OXNAD1: variants seen among roughly 807,000 people sequenced by gnomAD.
OXNAD1 encodes the protein oxidoreductase NAD-binding domain-containing protein 1.
In OXNAD1, 34 loss-of-function variants were observed where a neutral mutation model predicts 32.9. The ratio of observed to expected loss-of-function variants is 1.03; its 90% CI spans 0.79 to 1.38. The LOEUF (loss-of-function observed/expected upper bound fraction) is 1.38, where lower values mean the gene tolerates loss of function less well. Ranked by LOEUF, OXNAD1 falls within the 40% of genes most tolerant of loss-of-function variation. The pLI, the probability that OXNAD1 is intolerant of heterozygous loss-of-function variation, is 0.00. For synonymous variants in OXNAD1, 134 were observed against 135.2 expected (o/e 0.99, Z 0.06); for missense variants, 407 against 379.4 (o/e 1.07, Z -0.60).
intron 1 of OXNAD1, among the ~76,000 whole-genome samples, chr3:16,267,765 C>T (rs556974542): frequency 2.0e-5 from 3 of 152,326 alleles, no homozygotes; most frequent in East Asian, 1.9e-4. Context: ...TTCATGATGG[C>T]AAGGGCCTTG....
At chr3:16,269,826 A>G (rs2064801170) in intron 2 of OXNAD1, among the ~76,000 whole-genome samples, 1 of 152,258 alleles carries the variant, frequency 6.6e-6, no homozygotes, top group Non-Finnish European at 1.5e-5. Flanking sequence ...TCAGAAAAAA[A>G]AGTATTCACA....
chr3:16,281,925 G>T (rs1228060390), intron 4 of OXNAD1, among the ~76,000 whole-genome samples: 9 of 144,554 alleles, frequency 6.2e-5, no homozygotes, highest in African/African-American at 2.3e-4. Flanking sequence ...TTGAGACAGG[G>T]TCTCACTTGG....
At position 16,320,759 on chromosome 3, in the gene OXNAD1, G is replaced by A. The variant is rs78557953; in HGVS notation, c.*31-16353G>A. On this transcript the variant is annotated intron_variant, in intron 9 of 9. Transcript: ENST00000435829. The surrounding 1 kb of genome is among the most constrained non-coding windows in gnomAD (Gnocchi z 4.5). ...AGAACTGGAGGCCACAGAGGAGCTG[G>A]AGGCCACAGAGAATGGGAGGCTGGC... is the stretch of plus-strand genomic sequence containing the variant. Among the ~76,000 whole-genome samples the A allele has an allele frequency of 0.011, 1,601 of 152,266 alleles. 61 individuals are homozygous for A. Among genetic ancestry groups the A allele is most frequent in the East Asian group, 0.1 (537 of 5,184 alleles).
In OXNAD1 at chr3:16,346,465, C is replaced by T. The variant is rs962209160; in HGVS notation, c.*31-2711C>T. The T allele has an allele frequency of 2.6e-5, 4 of 152,072 alleles. No homozygotes were observed. Among genetic ancestry groups the T allele is most frequent in the African/African-American group, 2.4e-5 (1 of 41,404 alleles). 9.4% of individuals were successfully genotyped at this position (152,072 alleles called of 1,614,324 possible). A position where few individuals can be genotyped will look rare whatever the true frequency, so the allele number is the denominator to read the frequency against. On this transcript the variant is annotated intron_variant, in intron 9 of 9. Coordinates refer to the OXNAD1 transcript ENST00000606098. This position sits in a 1 kb window ranked among gnomAD's most constrained non-coding sequence, Gnocchi z 4.4. ...CCTTTTGTCATCTCATTATCCAAAC[C>T]GTCAACAAGTCCAGTCTTCTTGAAA...
chr3:16,303,687 A>C lies in OXNAD1; in HGVS notation c.*125A>C, dbSNP rs1053765194. 1.6e-5 allele frequency: 17 copies of C among 1,082,210 alleles called. No homozygotes were observed. Among genetic ancestry groups the C allele is most frequent in the Non-Finnish European group, 2.1e-5 (17 of 798,598 alleles). The allele number at this position is 1,082,210 out of a possible 1,614,324, so 67.0% of individuals were successfully genotyped here. On this transcript the variant is annotated 3_prime_UTR_variant, in exon 9 of 9. Coordinates refer to ENST00000285083, the MANE Select transcript of OXNAD1 (RefSeq NM_138381.5). The surrounding 1 kb of genome is among the most constrained non-coding windows in gnomAD (Gnocchi z 4.8). ...TCTTATTTTTTAAGGCTATAAACTT[A>C]GTGACCAGCTGGATAATAAAAGCCA...
intron 9 of OXNAD1, among the ~76,000 whole-genome samples, chr3:16,324,873 A>G (rs1402433551): frequency 6.6e-6 from 1 of 151,870 alleles, no homozygotes; most frequent in Non-Finnish European, 1.5e-5. Context: ...TGCTAAGTCT[A>G]TCTTTAGTTT....
rs2069806164 is a variant in OXNAD1 at position 16,327,319 on chromosome 3, A to C, written c.*31-9793A>C. ...CAAGTCGTTTATGTCCAGCCACAGC[A>C]ACACACACATGCACATCCACATGTG... is the stretch of plus-strand genomic sequence containing the variant. On this transcript the variant is annotated intron_variant, in intron 9 of 9. Transcript: ENST00000435829. The surrounding 1 kb of genome is among the most constrained non-coding windows in gnomAD (Gnocchi z 4.2). 6.6e-6 allele frequency among the ~76,000 whole-genome samples: 1 copy of C among 152,202 alleles called. No individual in the cohort carries two copies.
chr3:16,328,585 T>G, intron 9 of OXNAD1, among the ~76,000 whole-genome samples: 1 of 152,216 alleles, frequency 6.6e-6, no homozygotes, highest in East Asian at 1.9e-4. Context: ...CTGTATAAAA[T>G]GGGTACTGGT....
Position 16,294,912 on chromosome 3 carries a change from G to C in OXNAD1, c.347G>C (p.Ser116Thr), listed in dbSNP as rs767714469. 2.5e-6 allele frequency: 4 copies of C among 1,613,324 alleles called. No homozygotes were observed. In the South Asian group the frequency reaches 3.3e-5, roughly 13 times the overall value. Residue 116 changes from serine (S) to threonine (T), a missense_variant, in exon 6 of 9, where the codon AGT (serine) becomes ACT (threonine). Ser to Thr is a moderately conservative substitution (Grantham distance 58, BLOSUM62 1). Transcript: ENST00000285083. ...GTTGGTGGGTTTTCAATATGCTCCA[G>C]TCCCAGACTGCTAGAACAAGAGAGA... ...SVVGGFSICS[S>T]PRLLEQERVI...
intron 9 of OXNAD1, chr3:16,326,984 G>A (rs1209534063): frequency 5.2e-6 from 4 of 769,658 alleles, no homozygotes; most frequent in African/African-American, 1.8e-5. Flanking sequence ...AAGAAGTGGC[G>A]GTGCCCGGCC....
intron 9 of OXNAD1, among the ~76,000 whole-genome samples, chr3:16,324,613 A>ATC (rs1553718056): frequency 1.1e-5 from 1 of 90,828 alleles, no homozygotes; most frequent in South Asian, 3.7e-4. Context: ...AATGTCCCTG[A>ATC]CCCCCCCCCT....
At chr3:16,324,338 T>C (rs1268024264) in intron 9 of OXNAD1, among the ~76,000 whole-genome samples, 7 of 152,320 alleles carry the variant, frequency 4.6e-5, no homozygotes, top group Non-Finnish European at 7.3e-5. Flanking sequence ...CAAGGCATTA[T>C]TGTTTATAAT....
At chr3:16,311,011 A>AAAAAG (rs1472119686), downstream of OXNAD1, among the ~76,000 whole-genome samples, 86 of 136,178 alleles carry the variant, frequency 6.3e-4, 3 homozygotes, top group African/African-American at 2.0e-3. Flanking sequence ...AAAAAAAAAA[A>AAAAAG]AAATCATCTG....
At chr3:16,309,224 G>GT (rs35112609), downstream of OXNAD1, among the ~76,000 whole-genome samples, 2 of 152,174 alleles carry the variant, frequency 1.3e-5, no homozygotes, top group African/African-American at 4.8e-5. Flanking sequence ...ATTGTTTGGA[G>GT]TTTTTGGCTA....
At position 16,278,217 on chromosome 3, in the gene OXNAD1, A is replaced by G. The variant is rs962827740; in HGVS notation, c.183+6495A>G. ...GATAAGCTCCTATCCTCAGATTTTA[A>G]TGGGACTCTGATCAGAAGACTTTAT... On this transcript the variant is annotated intron_variant, in intron 4 of 8. Transcript: ENST00000285083. Among the ~76,000 whole-genome samples the G allele has an allele frequency of 5.3e-5, 8 of 152,314 alleles. No homozygotes were observed. In the East Asian group the frequency reaches 5.8e-4, roughly 11 times the overall value.
chr3:16,345,817 T>TGTGTGTGTGTGTGC lies in OXNAD1; in HGVS notation c.*31-3358_*31-3357insTGTGTGTGTGTGCG, dbSNP rs1160939614. Among the ~76,000 whole-genome samples, 178 of 74,592 alleles carry TGTGTGTGTGTGTGC rather than the reference T, an allele frequency of 2.4e-3. No homozygotes were observed. Among genetic ancestry groups the TGTGTGTGTGTGTGC allele is most frequent in the African/African-American group, 7.9e-3 (144 of 18,166 alleles). The allele number at this position is 74,592 out of a possible 152,430, so 48.9% of individuals were successfully genotyped here. On this transcript the variant is annotated intron_variant, in intron 9 of 9. Coordinates refer to the OXNAD1 transcript ENST00000606098. The surrounding 1 kb of genome is among the most constrained non-coding windows in gnomAD (Gnocchi z 5.2). ...GTGTGTGTGTGTGTGTGTGTGTGTG[T>TGTGTGTGTGTGTGC]GCGCGCGCGCGTGCGCGCACGCGCA...
intron 9 of OXNAD1, among the ~76,000 whole-genome samples, chr3:16,313,232 A>AAGTTCTTGCTATGTTGCC (rs1415761292): frequency 2.3e-5 from 2 of 85,272 alleles, no homozygotes; most frequent in Non-Finnish European, 4.4e-5. Context: ...TTGCAGAGGC[A>AAGTTCTTGCTATGTTGCC]AGTTCTTGCT....
At chr3:16,333,596 TGG>T (rs1295797305) in intron 9 of OXNAD1, among the ~76,000 whole-genome samples, 4 of 152,158 alleles carry the variant, frequency 2.6e-5, no homozygotes, top group Non-Finnish European at 5.9e-5. Context: ...AAGTGAACAC[TGG>T]AAGGCCTTTC....
At position 16,271,418 on chromosome 3, in the gene OXNAD1, G is replaced by T. The variant is rs2064931454; in HGVS notation, c.120-241G>T. Among the ~76,000 whole-genome samples, 1 of 152,094 alleles carries T rather than the reference G, an allele frequency of 6.6e-6. No homozygotes were observed. Among genetic ancestry groups the T allele is most frequent in the African/African-American group, 2.4e-5 (1 of 41,388 alleles). ...AGGCTTTCTCCATGTTGGCCAGGCT[G>T]GTCTCGTACTCCTGACGTCAGATGA... On this transcript the variant is annotated intron_variant, in intron 3 of 8. Coordinates refer to ENST00000285083, the MANE Select transcript of OXNAD1 (RefSeq NM_138381.5). The surrounding 1 kb of genome is among the most constrained non-coding windows in gnomAD (Gnocchi z 4.6).
Sources: gnomAD v4.1 joint callset for allele counts (sites outside exome capture counted in the v4.1 genomes callset) on GRCh38, gnomAD v4.1.1 for gene constraint, Gnocchi (gnomAD v3.1) non-coding constraint, MANE v1.5 for transcripts, NCBI Gene and HGNC (gene_info 2026-07-23, HGNC 2026-07-21) for gene names.